ENO1: variants seen among roughly 807,000 people sequenced by gnomAD.
ENO1 encodes enolase 1.
A neutral mutation model predicts 46.3 loss-of-function variants in ENO1; 33 were observed. The observed-to-expected ratio is 0.71, with a 90% CI of 0.54 to 0.95. The LOEUF (loss-of-function observed/expected upper bound fraction) is 0.95, where lower values mean the gene tolerates loss of function less well. Among genes scored for constraint, ENO1 ranks in the 40% least tolerant of loss-of-function variants. ENO1 has a pLI of 0.00. For synonymous variants in ENO1, 220 were observed against 216.0 expected (o/e 1.02, Z -0.16); for missense variants, 488 against 553.3 (o/e 0.88, Z 1.18).
intron 9 of ENO1, among the ~76,000 whole-genome samples, chr1:8,863,608 T>C (rs531638063): frequency 7.9e-5 from 12 of 152,348 alleles, no homozygotes; most frequent in African/African-American, 2.9e-4. Flanking sequence ...TAGTGTTCTC[T>C]GACAGAGCTC....
At position 8,870,471 on chromosome 1, in the gene ENO1, G is replaced by A. The variant is rs369657785; in HGVS notation, c.221C>T (p.Ala74Val). ...TCCTACCTTGCTAACCAGGGCAGGC[G>A]CAATAGTTTTATTGATGTGCTCAAC... ...KAVEHINKTI[A>V]PALVSKKLNV... The change falls in exon 4 of 12, where the codon GCG becomes GTG. Residue 74 changes from alanine (A) to valine (V), a missense_variant. Transcript: ENST00000234590. 1.7e-5 allele frequency: 27 copies of A among 1,614,020 alleles called. No individual in the cohort carries two copies. The East Asian group carries it at 1.8e-4, about 11-fold the overall frequency.
chr1:8,874,087 G>A (rs181801657), intron 2 of ENO1: 1 of 152,252 alleles, frequency 6.6e-6, no homozygotes, highest in East Asian at 1.9e-4. Context: ...CAGAGATAAA[G>A]GTGCTATATT....
Position 8,865,370 on chromosome 1 carries a change from G to A in ENO1, c.780C>T (p.Asp260=), listed in dbSNP as rs950931674. ...EFFRSGKYDL[D]FKSPDDPSRY... ...TGCTGGGGTCATCGGGAGACTTGAAGTCCAGGTCATACTTCCCAGACCTGA... is the reference window on the plus strand; with the variant it reads ...TGCTGGGGTCATCGGGAGACTTGAAATCCAGGTCATACTTCCCAGACCTGA... Residue 260 remains aspartate, a synonymous_variant, in exon 8 of 12, where the codon GAC becomes GAT. Coordinates refer to ENST00000234590, the MANE Select transcript of ENO1 (RefSeq NM_001428.5). 14 of 1,614,098 alleles carry A rather than the reference G, an allele frequency of 8.7e-6. No individual in the cohort carries two copies. The African/African-American group carries it at 1.7e-4, about 20-fold the overall frequency.
chr1:8,867,243 AAAC>A lies in ENO1; in HGVS notation c.315_317del (p.Lys105_Phe106delinsAsn), dbSNP rs763933974. On this transcript the variant is annotated inframe_deletion, in exon 6 of 12. Coordinates refer to ENST00000234590, the MANE Select transcript of ENO1 (RefSeq NM_001428.5). The stretch of plus-strand genomic sequence containing the variant: ...ACACCCCCAGAATGGCGTTCGCACC[AAAC>A]TTAGCTAGAACAGAAGAGAACCGAG... The A allele has an allele frequency of 3.7e-6, 6 of 1,614,136 alleles. No homozygotes were observed. In the African/African-American group the frequency reaches 8.0e-5, roughly 22 times the overall value.
intron 11 of ENO1, among the ~76,000 whole-genome samples, chr1:8,862,164 A>G (rs1367430958): frequency 6.6e-6 from 1 of 151,986 alleles, no homozygotes; most frequent in Non-Finnish European, 1.5e-5. Flanking sequence ...TAAAAATAAA[A>G]TTCCCCAGCA....
At position 8,867,564 on chromosome 1, in the gene ENO1, C is replaced by CT. The variant is rs1278961605; in HGVS notation, c.311-315dup. Among the ~76,000 whole-genome samples the CT allele has an allele frequency of 2.7e-3, 405 of 148,126 alleles. 9 individuals are homozygous for CT. The East Asian group carries it at 0.054, about 20-fold the overall frequency. ...ATATTCAAAAAAAATTTTTTTTTTT[C>CT]TTTTTTTTTGAGACAGAGTCTCACT... is the stretch of plus-strand genomic sequence containing the variant. On this transcript the variant is annotated intron_variant, in intron 5 of 11. Coordinates refer to ENST00000234590, the MANE Select transcript of ENO1 (RefSeq NM_001428.5).
intron 1 of ENO1, chr1:8,876,000 ACTT>A (rs1452564313): frequency 1.3e-5 from 2 of 152,168 alleles, no homozygotes; most frequent in Non-Finnish European, 2.9e-5. Flanking sequence ...ACACCAGGAT[ACTT>A]CAAGGGAAGG....
chr1:8,867,795 G>C (rs1642554296), intron 5 of ENO1, among the ~76,000 whole-genome samples, 193 bp downstream of exon 5: 1 of 152,160 alleles, frequency 6.6e-6, no homozygotes, highest in Non-Finnish European at 1.5e-5. Context: ...CTCCTAAAGT[G>C]TTGGGATTAC....
chr1:8,877,243 C>T (rs1361263706), intron 1 of ENO1, among the ~76,000 whole-genome samples: 1 of 152,038 alleles, frequency 6.6e-6, no homozygotes, highest in Non-Finnish European at 1.5e-5. Context: ...TGAGCCACCG[C>T]GCCTGGTCGA....
intron 1 of ENO1, chr1:8,877,859 G>C (rs529450740): frequency 3.5e-5 from 5 of 141,324 alleles, no homozygotes; most frequent in Admixed American, 1.5e-4. Flanking sequence ...TCCAGCCTGG[G>C]CAACAATAGC....
At chr1:8,873,524 C>T (rs1642674213) in intron 2 of ENO1, among the ~76,000 whole-genome samples, 2 of 152,182 alleles carry the variant, frequency 1.3e-5, no homozygotes. Context: ...TAGAAAGTTC[C>T]ACCCATTGAC....
At chr1:8,867,278 G>T in intron 5 of ENO1, 28 bp from the exon 6 acceptor site, 3 of 1,611,814 alleles carry the variant, frequency 1.9e-6, no homozygotes, top group Middle Eastern at 1.7e-4. Flanking sequence ...CGAGTGGAAT[G>T]AAGTCATTTC....
rs757303301 is a variant in ENO1, at chr1:8,867,069, G to C, written c.444+48C>G. 3 of 1,597,058 alleles carry C rather than the reference G, an allele frequency of 1.9e-6. No homozygotes were observed. The South Asian group carries it at 3.3e-5, about 18-fold the overall frequency. ...GGAGGTCTCGGGTCCCCAACAGCAA[G>C]CTGAAACCCCCAACTCCTTGCTTGG... On this transcript the variant is annotated intron_variant, in intron 6 of 11. Coordinates refer to ENST00000234590, the MANE Select transcript of ENO1 (RefSeq NM_001428.5).
At chr1:8,863,137 G>T in intron 10 of ENO1, 98 bp downstream of exon 10, 1 of 1,443,616 alleles carries the variant, frequency 6.9e-7, no homozygotes. Flanking sequence ...TGACTCAGGG[G>T]ACATGAGCAA....
intron 5 of ENO1, 83 bp downstream of exon 5, chr1:8,867,905 A>G (rs1456007870): frequency 1.6e-6 from 2 of 1,221,248 alleles, no homozygotes; most frequent in Non-Finnish European, 2.4e-6. Context: ...CACTAAGATC[A>G]TGGGCCTCTT....
Position 8,874,785 on chromosome 1 carries a change from G to T in ENO1, c.85+39C>A, listed in dbSNP as rs142536267. 192 of 1,561,154 alleles carry T rather than the reference G, an allele frequency of 1.2e-4. 1 individual carries two copies. In the African/African-American group the frequency reaches 2.5e-3, roughly 20 times the overall value. On this transcript the variant is annotated intron_variant, in intron 2 of 11. Transcript: ENST00000234590. Reference sequence around the variant, plus strand: ...GTAGAAAATTTTTAAAATGAAGCACGGTGGAAGGAACCATGGAAACCAAGG... The same window carrying T: ...GTAGAAAATTTTTAAAATGAAGCACTGTGGAAGGAACCATGGAAACCAAGG...
intron 5 of ENO1, 60 bp downstream of exon 5, chr1:8,867,928 T>C: frequency 6.7e-7 from 1 of 1,490,510 alleles, no homozygotes; most frequent in East Asian, 2.3e-5. Flanking sequence ...TGAAAGGTTT[T>C]AAAATCTTCA....
intron 11 of ENO1, among the ~76,000 whole-genome samples, chr1:8,862,040 C>A (rs868707501): frequency 1.3e-5 from 2 of 151,984 alleles, no homozygotes; most frequent in African/African-American, 4.8e-5. Flanking sequence ...CCCAGCTACT[C>A]GGGAGGCTCA....
intron 3 of ENO1, chr1:8,871,250 G>C (rs2124091729): frequency 9.9e-7 from 1 of 1,013,790 alleles, no homozygotes; most frequent in African/African-American, 1.7e-5. Flanking sequence ...AGCCTTTTTG[G>C]AGTTTTCCGG....
Sources: allele counts gnomAD v4.1 joint callset (sites outside exome capture counted in the v4.1 genomes callset), GRCh38; gene constraint gnomAD v4.1.1; transcripts MANE v1.5; gene names NCBI Gene and HGNC (gene_info 2026-07-23, HGNC 2026-07-21).